The following PGLYRP4 variants were observed in gnomAD, a reference collection of about 807,000 sequenced individuals.
The protein encoded by PGLYRP4 is peptidoglycan recognition protein 4, also known as PGRP-I-beta.
Under a neutral mutation model 41.2 loss-of-function variants are expected in PGLYRP4, and 39 were observed. The ratio of observed to expected loss-of-function variants is 0.95; its 90% CI spans 0.73 to 1.24. PGLYRP4 has a LOEUF of 1.24. Among genes scored for constraint, PGLYRP4 ranks in the 50% most tolerant of loss-of-function variants. The pLI is 0.00. For missense variants in PGLYRP4, 467 were observed against 460.7 expected, an observed-to-expected ratio of 1.01 and a Z score of -0.13; for synonymous variants, 202 against 186.8, an observed-to-expected ratio of 1.08 and a Z score of -0.66.
intron 7 of PGLYRP4, among the ~76,000 whole-genome samples, chr1:153,339,752 C>T (rs1363687844): frequency 7.1e-6 from 1 of 139,980 alleles, no homozygotes; most frequent in Non-Finnish European, 1.5e-5. Context: ...TTTTGAGACC[C>T]TTTAAGATAA....
chr1:153,334,468 T>TATATATATATTTTTATATA lies in PGLYRP4; in HGVS notation c.943+2712_943+2713insTATATAAAAATATATATAT, dbSNP rs1275488427. Among the ~76,000 whole-genome samples, 188 of 142,524 alleles carry TATATATATATTTTTATATA rather than the reference T, an allele frequency of 1.3e-3. 1 individual carries two copies. The highest frequency in any genetic ancestry group is 3.7e-3 in the Middle Eastern group (1 of 272). 93.5% of individuals were successfully genotyped at this position (142,524 alleles called of 152,430 possible). On this transcript the variant is annotated intron_variant, in intron 8 of 8. Coordinates refer to ENST00000359650, the MANE Select transcript of PGLYRP4 (RefSeq NM_020393.4). Reference sequence around the variant, plus strand: ...TGTGTATAAATATATATATATTTATTTATATATATTTATATATATATACAC... The same window carrying TATATATATATTTTTATATA: ...TGTGTATAAATATATATATATTTATTATATATATATTTTTATATATATATATATTTATATATATATACAC...
At chr1:153,342,652 T>A (rs897898060) in intron 5 of PGLYRP4, among the ~76,000 whole-genome samples, 8 of 146,218 alleles carry the variant, frequency 5.5e-5, no homozygotes, top group Admixed American at 2.1e-4. Flanking sequence ...GGTTTTTTTT[T>A]AGAAATATAT....
At chr1:153,332,679 A>G (rs778006722) in intron 8 of PGLYRP4, among the ~76,000 whole-genome samples, 1 of 152,206 alleles carries the variant, frequency 6.6e-6, no homozygotes, top group South Asian at 2.1e-4. Context: ...CATATCAAGT[A>G]TCTTGTTGGA....
Position 153,341,620 on chromosome 1 carries a change from G to T in PGLYRP4, c.625+7C>A. On this transcript the variant is annotated splice_region_variant and intron_variant, in intron 6 of 8. Transcript: ENST00000359650. ...GCAGGCCCAGTAGGGCTGAAGAAAG[G>T]TCTTACCCTTCTTCAGGCTTGTCTT... is the stretch of plus-strand genomic sequence containing the variant. 1 of 1,609,582 alleles carries T rather than the reference G, an allele frequency of 6.2e-7. No homozygotes were observed. Among genetic ancestry groups the T allele is most frequent in the Non-Finnish European group, 8.5e-7 (1 of 1,178,224 alleles).
rs946772473 is a variant in PGLYRP4, at chr1:153,330,462, G to A, written c.*305C>T. On this transcript the variant is annotated 3_prime_UTR_variant, in exon 9 of 9. Transcript: ENST00000359650. ...GCAGAGGGGAATGGAGAGAGAGAGAGAAATGAAACAAGAACCAGCCCATTG... is the reference window on the plus strand; with the variant it reads ...GCAGAGGGGAATGGAGAGAGAGAGAAAAATGAAACAAGAACCAGCCCATTG... The A allele has an allele frequency of 9.4e-6, 2 of 213,696 alleles. No homozygotes were observed. Among genetic ancestry groups the A allele is most frequent in the East Asian group, 9.6e-5 (1 of 10,434 alleles). 13.2% of individuals were successfully genotyped at this position (213,696 alleles called of 1,614,324 possible). A position where few individuals can be genotyped will look rare whatever the true frequency, so the allele number is the denominator to read the frequency against.
At chr1:153,347,695 GTTGT>G (rs1285574121) in intron 2 of PGLYRP4, among the ~76,000 whole-genome samples, 185 bp downstream of exon 2, 4 of 150,306 alleles carry the variant, frequency 2.7e-5, no homozygotes, top group South Asian at 2.1e-4. Flanking sequence ...TTTTTTTGTT[GTTGT>G]TTGTTTGTTT....
At chr1:153,344,893 T>C in intron 4 of PGLYRP4, 1 of 320,102 alleles carries the variant, frequency 3.1e-6, no homozygotes, top group Non-Finnish European at 5.9e-6. Context: ...TCGTTTGCAA[T>C]CTGTAGTGTG....
At chr1:153,345,116 T>C in intron 4 of PGLYRP4, 53 bp downstream of exon 4, 2 of 1,388,028 alleles carry the variant, frequency 1.4e-6, no homozygotes, top group Non-Finnish European at 2.0e-6. Flanking sequence ...AGGAGAAGCA[T>C]CCCAGGGAAG....
At chr1:153,332,147 AAGG>A (rs1346777471) in intron 8 of PGLYRP4, among the ~76,000 whole-genome samples, 3 of 152,150 alleles carry the variant, frequency 2.0e-5, no homozygotes, top group Non-Finnish European at 4.4e-5. Flanking sequence ...GGAAACCAAA[AAGG>A]AGGAGGAGTT....
At chr1:153,347,591 C>G (rs1310423823) in intron 2 of PGLYRP4, among the ~76,000 whole-genome samples, 2 of 152,154 alleles carry the variant, frequency 1.3e-5, no homozygotes, top group Non-Finnish European at 2.9e-5. Context: ...CCAGGATGGT[C>G]TCGATCTCTT....
chr1:153,334,915 C>G (rs1354451178), intron 8 of PGLYRP4, among the ~76,000 whole-genome samples: 1 of 152,108 alleles, frequency 6.6e-6, no homozygotes, highest in Non-Finnish European at 1.5e-5. Flanking sequence ...CTACACACAA[C>G]TGATCTTTGA....
At chr1:153,333,687 A>T (rs528812471) in intron 8 of PGLYRP4, among the ~76,000 whole-genome samples, 1 of 152,366 alleles carries the variant, frequency 6.6e-6, no homozygotes, top group Non-Finnish European at 1.5e-5. Context: ...AGCGAACTAA[A>T]TCCAACAACA....
rs1557832466 is a variant in PGLYRP4, at chr1:153,346,477, G to GAA, written c.50-287_50-286insTT. Reference sequence around the variant, plus strand: ...CTGTATCTACACACACAATTGGCGGGGAAAAAAAAAAAACTAGAAATGTAT... The same window carrying GAA: ...CTGTATCTACACACACAATTGGCGGGAAGAAAAAAAAAAAACTAGAAATGTAT... On this transcript the variant is annotated intron_variant, in intron 2 of 8. Transcript: ENST00000359650. 4.5e-3 allele frequency among the ~76,000 whole-genome samples: 395 copies of GAA among 87,902 alleles called. 14 individuals are homozygous for GAA. In the East Asian group the frequency reaches 0.12, roughly 26 times the overall value. 57.7% of individuals were successfully genotyped at this position (87,902 alleles called of 152,430 possible).
chr1:153,339,159 G>T (rs1660693378), intron 7 of PGLYRP4, among the ~76,000 whole-genome samples: 1 of 152,204 alleles, frequency 6.6e-6, no homozygotes, highest in African/African-American at 2.4e-5. Context: ...TCTGAGACCT[G>T]AATGGAAAAA....
intron 6 of PGLYRP4, 92 bp downstream of exon 6, chr1:153,341,535 G>A (rs571417967): frequency 2.6e-6 from 3 of 1,159,898 alleles, no homozygotes; most frequent in East Asian, 2.5e-5. Context: ...GAATCTAATG[G>A]GCCCTACTGA....
chr1:153,341,482 C>T lies in PGLYRP4; in HGVS notation c.625+145G>A. The T allele has an allele frequency of 5.5e-6, 4 of 727,948 alleles. 1 individual carries two copies. The South Asian group carries it at 6.0e-5, about 11-fold the overall frequency. The allele number at this position is 727,948 out of a possible 1,614,324, so 45.1% of individuals were successfully genotyped here. A position where few individuals can be genotyped will look rare whatever the true frequency, so the allele number is the denominator to read the frequency against. ...AGGTTTCCTCTCAAGATTTGCCAGC[C>T]CCAAGAGTTCAGAGAGTTGGGTGGC... On this transcript the variant is annotated intron_variant, in intron 6 of 8. Transcript: ENST00000359650.
chr1:153,343,032 C>T, intron 5 of PGLYRP4, 58 bp downstream of exon 5: 2 of 1,014,958 alleles, frequency 2.0e-6, no homozygotes, highest in Non-Finnish European at 3.1e-6. Context: ...CATGAAGTGG[C>T]CCCTGAGACA....
chr1:153,337,290 C>A lies in PGLYRP4; in HGVS notation c.834G>T (p.Val278=), dbSNP rs748554955. The A allele has an allele frequency of 1.4e-5, 22 of 1,603,568 alleles. No individual in the cohort carries two copies. Among genetic ancestry groups the A allele is most frequent in the Non-Finnish European group, 1.9e-5 (22 of 1,174,526 alleles). ...KSCDIGYNFL[V]GQDGAIYEGV... ...CTTCATAAATGGCGCCATCCTGGCC[C>A]ACCAGGAAGCTAGAGGACCACAAGG... The change falls in exon 8 of 9, where the codon GTG becomes GTT. Residue 278 remains valine (V), a synonymous_variant. Transcript: ENST00000359650.
chr1:153,335,805 C>T (rs1267711551), intron 8 of PGLYRP4, among the ~76,000 whole-genome samples: 1 of 152,086 alleles, frequency 6.6e-6, no homozygotes, highest in African/African-American at 2.4e-5. Flanking sequence ...AATGCTTACA[C>T]ACTATTGATG....
Sources: gnomAD v4.1 joint callset for allele counts (sites outside exome capture counted in the v4.1 genomes callset) on GRCh38, gnomAD v4.1.1 for gene constraint, MANE v1.5 for transcripts, NCBI Gene and HGNC (gene_info 2026-07-23, HGNC 2026-07-21) for gene names.